The following YME1L1 variants were observed in gnomAD, a reference collection of about 807,000 sequenced individuals.
YME1L1 encodes YME1 like 1 ATPase.
YME1L1 carries 39 observed loss-of-function variants against 90.4 expected under a neutral mutation model. That is an observed-to-expected ratio of 0.43 (90% confidence interval 0.33 to 0.56). The LOEUF (loss-of-function observed/expected upper bound fraction) is 0.56, where lower values mean the gene tolerates loss of function less well. Ranked by LOEUF, YME1L1 falls within the 20% of genes least tolerant of loss-of-function variation. YME1L1 has a pLI of 0.03. For missense variants in YME1L1, 617 were observed against 868.4 expected (o/e 0.71, Z 3.64); for synonymous variants, 284 against 287.3 (o/e 0.99, Z 0.12).
chr10:27,144,207 T>C (rs1243739859), intron 3 of YME1L1, among the ~76,000 whole-genome samples: 1 of 152,204 alleles, frequency 6.6e-6, no homozygotes, highest in Admixed American at 6.5e-5. Flanking sequence ...CATAATAACA[T>C]AGTAACAAAA....
Position 27,117,554 on chromosome 10 carries a change from CGA to C in YME1L1, c.1719+20_1719+21del, listed in dbSNP as rs768115973. 2.5e-6 allele frequency: 4 copies of C among 1,609,866 alleles called. No individual in the cohort carries two copies. The highest frequency in any genetic ancestry group is 3.4e-6 in the Non-Finnish European group (4 of 1,177,978). ...TTGCACTCCAGCCTGGGTGACAGGG[CGA>C]GACACTACAAAAAACTTACATGTCC... On this transcript the variant is annotated intron_variant, in intron 15 of 18. Transcript: ENST00000376016.
At chr10:27,151,493 G>T (rs1437270126) in intron 1 of YME1L1, among the ~76,000 whole-genome samples, 1 of 152,202 alleles carries the variant, frequency 6.6e-6, no homozygotes, top group Non-Finnish European at 1.5e-5. Flanking sequence ...TTTAGAATCT[G>T]ACTCAAAATT....
At chr10:27,146,788 T>G (rs900075691) in intron 2 of YME1L1, 1 of 153,146 alleles carries the variant, frequency 6.5e-6, no homozygotes, top group African/African-American at 2.4e-5. Context: ...TGTCTGGGAA[T>G]ACGGTACTTT....
Position 27,117,623 on chromosome 10 carries a change from G to A in YME1L1, c.1672C>T (p.Pro558Ser). Residue 558 changes from proline (P) to serine (S), a missense_variant, in exon 15 of 19, where the codon CCT becomes TCT. By Grantham distance (74) the Pro-to-Ser change is moderately conservative (BLOSUM62 -1). Coordinates refer to ENST00000376016, the MANE Select transcript of YME1L1 (RefSeq NM_014263.4). ...IIAYYTKDAM[P>S]INKATIMPRG... The stretch of plus-strand genomic sequence containing the variant: ...GGCATGATTGTAGCTTTGTTGATAG[G>A]CATTGCATCTTTTGTGTAATATGCA... 1 of 1,614,118 alleles carries A rather than the reference G, an allele frequency of 6.2e-7. No homozygotes were observed. The highest frequency in any genetic ancestry group is 8.5e-7 in the Non-Finnish European group (1 of 1,180,022).
chr10:27,133,467 T>G lies in YME1L1; in HGVS notation c.775+572A>C, dbSNP rs543818232. On this transcript the variant is annotated intron_variant, in intron 7 of 18. Coordinates refer to ENST00000376016, the MANE Select transcript of YME1L1 (RefSeq NM_014263.4). ...AAAATATGGGGTTAAGGAGAAATGC[T>G]TAATAAATCAGGAACATAGAAGCTG... is the stretch of plus-strand genomic sequence containing the variant. Among the ~76,000 whole-genome samples, 5 of 152,324 alleles carry G rather than the reference T, an allele frequency of 3.3e-5. No homozygotes were observed. In the South Asian group the frequency reaches 1.0e-3, roughly 32 times the overall value.
intron 1 of YME1L1, among the ~76,000 whole-genome samples, chr10:27,149,515 G>C (rs151041735): frequency 0.099 from 14,978 of 151,574 alleles, 2,409 homozygotes; most frequent in African/African-American, 0.34. Flanking sequence ...TTCAAGACCA[G>C]CCTGACCAAC....
chr10:27,133,656 A>C (rs2056998111), intron 7 of YME1L1, among the ~76,000 whole-genome samples: 1 of 152,188 alleles, frequency 6.6e-6, no homozygotes, highest in South Asian at 2.1e-4. Context: ...CGTAAGTCTG[A>C]CACTATTGCT....
Position 27,114,463 on chromosome 10 carries a change from C to T in YME1L1, c.2007+58G>A, listed in dbSNP as rs1438562610. 6 of 1,398,802 alleles carry T rather than the reference C, an allele frequency of 4.3e-6. No homozygotes were observed. In the South Asian group the frequency reaches 6.4e-5, roughly 15 times the overall value. The allele number at this position is 1,398,802 out of a possible 1,614,324, so 86.6% of individuals were successfully genotyped here. ...CCTTCAGCTGTTATTTTTTAAGAAC[C>T]TGACTATTTAAGCACATTGTTCCTA... On this transcript the variant is annotated intron_variant, in intron 18 of 18. Coordinates refer to ENST00000376016, the MANE Select transcript of YME1L1 (RefSeq NM_014263.4).
At chr10:27,121,577 C>A in intron 11 of YME1L1, 129 bp from the exon 12 acceptor site, 1 of 652,850 alleles carries the variant, frequency 1.5e-6, no homozygotes, top group Non-Finnish European at 2.7e-6. Context: ...TAGGCTGAAG[C>A]GCACCAGTAT....
chr10:27,148,092 T>A (rs1181989555), intron 2 of YME1L1, among the ~76,000 whole-genome samples: 1 of 152,194 alleles, frequency 6.6e-6, no homozygotes, highest in Non-Finnish European at 1.5e-5. Flanking sequence ...GCTGGTCCTT[T>A]ATTTTTTTAA....
intron 2 of YME1L1, chr10:27,147,567 C>A: frequency 1.2e-6 from 2 of 1,602,848 alleles, no homozygotes; most frequent in Non-Finnish European, 1.7e-6. Context: ...TCTTCTTCAT[C>A]CTTTTTGCTG....
rs917661236 is a variant in YME1L1, at chr10:27,154,324, C to A, written c.-114G>T. On this transcript the variant is annotated 5_prime_UTR_variant, in exon 1 of 19. Coordinates refer to ENST00000376016, the MANE Select transcript of YME1L1 (RefSeq NM_014263.4). ...TTTCCTTTTTCTCCGACCCGTTGCC[C>A]CTCACTCCTCCCAGAAACGGAAAAT... 1 of 1,283,626 alleles carries A rather than the reference C, an allele frequency of 7.8e-7. No homozygotes were observed. The allele number at this position is 1,283,626 out of a possible 1,614,324, so 79.5% of individuals were successfully genotyped here. A position where few individuals can be genotyped will look rare whatever the true frequency, so the allele number is the denominator to read the frequency against.
chr10:27,147,504 T>C, intron 2 of YME1L1: 2 of 1,612,386 alleles, frequency 1.2e-6, no homozygotes, highest in Non-Finnish European at 1.7e-6. Flanking sequence ...GTACAGGGAT[T>C]GAGAGGGAGA....
chr10:27,153,992 T>A (rs1213025385), intron 1 of YME1L1, among the ~76,000 whole-genome samples, 186 bp downstream of exon 1: 1 of 152,200 alleles, frequency 6.6e-6, no homozygotes, highest in African/African-American at 2.4e-5. Flanking sequence ...AGCTTCATCG[T>A]CAGCACTGAA....
intron 8 of YME1L1, among the ~76,000 whole-genome samples, chr10:27,127,118 C>G (rs1048005666): frequency 6.6e-6 from 1 of 152,204 alleles, no homozygotes; most frequent in Non-Finnish European, 1.5e-5. Flanking sequence ...TGAAACATAG[C>G]TTCACGCCAA....
intron 18 of YME1L1, among the ~76,000 whole-genome samples, chr10:27,113,767 T>C (rs566874407): frequency 3.3e-5 from 5 of 150,540 alleles, no homozygotes; most frequent in Admixed American, 2.0e-4. Context: ...ACTTGGGAGG[T>C]TGACTTGAGC....
chr10:27,147,873 T>A (rs371801611), intron 2 of YME1L1, among the ~76,000 whole-genome samples: 1 of 152,116 alleles, frequency 6.6e-6, no homozygotes, highest in Admixed American at 6.5e-5. Flanking sequence ...GTAGGACACA[T>A]CCCCAGGAAC....
At chr10:27,129,647 T>C (rs1435642671) in intron 8 of YME1L1, among the ~76,000 whole-genome samples, 2 of 151,920 alleles carry the variant, frequency 1.3e-5, no homozygotes, top group African/African-American at 2.4e-5. Flanking sequence ...AGAGCAGATA[T>C]AATGGCAAAG....
At chr10:27,113,422 G>C (rs916548753) in intron 18 of YME1L1, among the ~76,000 whole-genome samples, 4 of 151,764 alleles carry the variant, frequency 2.6e-5, no homozygotes, top group African/African-American at 9.7e-5. Context: ...TGTAATCCCA[G>C]CACTTTGGGA....
Sources: allele counts gnomAD v4.1 joint callset (sites outside exome capture counted in the v4.1 genomes callset), GRCh38; gene constraint gnomAD v4.1.1; transcripts MANE v1.5; gene names NCBI Gene and HGNC (gene_info 2026-07-23, HGNC 2026-07-21).